Variants in SV2C observed in about 807,000 individuals in gnomAD.
SV2C encodes the protein solute carrier family 22 member B3.
A neutral mutation model predicts 79.7 loss-of-function variants in SV2C; 49 were observed. The observed-to-expected ratio is 0.61, with a 90% CI of 0.49 to 0.78. SV2C has a LOEUF of 0.78. Among genes scored for constraint, SV2C ranks in the 30% least tolerant of loss-of-function variants. The probability of loss-of-function intolerance (pLI) is 0.00; values close to 1 mark genes in which losing one functional copy is unlikely to be tolerated. For synonymous variants in SV2C, 334 were observed against 333.2 expected (o/e 1.00, Z -0.03); for missense variants, 833 against 912.9 (o/e 0.91, Z 1.13).
the SV2C span, among the ~76,000 whole-genome samples, chr5:75,938,990 G>T: frequency 6.6e-6 from 1 of 152,042 alleles, no homozygotes; most frequent in Non-Finnish European, 1.5e-5. Flanking sequence ...AGAGGCAGGG[G>T]AATGTCTTGT....
chr5:76,201,222 A>G (rs1744431796), intron 3 of SV2C, among the ~76,000 whole-genome samples: 1 of 152,228 alleles, frequency 6.6e-6, no homozygotes, highest in Non-Finnish European at 1.5e-5. Context: ...AGAAACAGAC[A>G]CTTTCCTCCC....
At chr5:76,319,263 C>CA in intron 12 of SV2C, among the ~76,000 whole-genome samples, 1 of 149,762 alleles carries the variant, frequency 6.7e-6, no homozygotes, top group Non-Finnish European at 1.5e-5. Flanking sequence ...AAAAAAAACA[C>CA]AAAAAATTGC....
the SV2C span, among the ~76,000 whole-genome samples, chr5:75,935,115 A>G: frequency 1.3e-5 from 2 of 152,176 alleles, no homozygotes; most frequent in African/African-American, 2.4e-5. Flanking sequence ...GAAATTTCAT[A>G]TTTGATTTTC....
At chr5:76,022,615 T>G in the SV2C span, among the ~76,000 whole-genome samples, 1,280 of 152,258 alleles carry the variant, frequency 8.4e-3, 7 homozygotes, top group Non-Finnish European at 0.015. Flanking sequence ...ACAGGGATAA[T>G]TTTTGGGAAC....
At chr5:75,951,223 G>C in the SV2C span, among the ~76,000 whole-genome samples, 3 of 152,138 alleles carry the variant, frequency 2.0e-5, no homozygotes, top group East Asian at 5.8e-4. Context: ...CTATTTTAGA[G>C]GAAGAAATTA....
intron 4 of SV2C, among the ~76,000 whole-genome samples, chr5:76,275,305 G>T (rs1168825551): frequency 6.6e-6 from 1 of 152,116 alleles, no homozygotes; most frequent in Non-Finnish European, 1.5e-5. Flanking sequence ...GGCTAACACG[G>T]TGAAACCCCA....
At chr5:76,264,976 C>A (rs1004634508) in intron 4 of SV2C, among the ~76,000 whole-genome samples, 30 of 152,334 alleles carry the variant, frequency 2.0e-4, no homozygotes, top group African/African-American at 3.1e-4. Flanking sequence ...GCTAGGAGAA[C>A]CTTCCTTGTC....
chr5:76,147,745 A>G (rs1387866605), intron 2 of SV2C, among the ~76,000 whole-genome samples: 1 of 152,100 alleles, frequency 6.6e-6, no homozygotes, highest in Non-Finnish European at 1.5e-5. Context: ...CATTTATGTA[A>G]CTTTTTTGAC....
intron 2 of SV2C, among the ~76,000 whole-genome samples, chr5:76,138,367 G>A (rs1032375350): frequency 3.3e-5 from 5 of 152,116 alleles, no homozygotes; most frequent in African/African-American, 1.2e-4. Context: ...TCCATTCTTG[G>A]TGAAAATACA....
At chr5:75,890,678 G>A in the SV2C span, among the ~76,000 whole-genome samples, 4 of 152,016 alleles carry the variant, frequency 2.6e-5, no homozygotes, top group African/African-American at 4.8e-5. Flanking sequence ...CTCCCATTGC[G>A]AGGCTCCTGT....
the SV2C span, among the ~76,000 whole-genome samples, chr5:76,059,491 T>C: frequency 6.6e-6 from 1 of 151,768 alleles, no homozygotes; most frequent in East Asian, 1.9e-4. Flanking sequence ...GAAATCCTTT[T>C]TTTTTTTCTT....
intron 12 of SV2C, among the ~76,000 whole-genome samples, chr5:76,347,335 A>T (rs553336364): frequency 1.3e-5 from 2 of 152,268 alleles, no homozygotes; most frequent in Admixed American, 1.3e-4. Flanking sequence ...CCACCAGCAA[A>T]CAACACTCTG....
downstream of SV2C, among the ~76,000 whole-genome samples, chr5:76,336,339 G>T (rs913517168): frequency 5.9e-5 from 9 of 152,078 alleles, no homozygotes; most frequent in Admixed American, 5.2e-4. Flanking sequence ...GGGGATGGCG[G>T]CTGGGAAGAG....
chr5:76,319,427 G>GA (rs1012300756), intron 12 of SV2C, among the ~76,000 whole-genome samples: 13 of 151,640 alleles, frequency 8.6e-5, no homozygotes, highest in East Asian at 1.9e-4. Flanking sequence ...CAAAAAAAAA[G>GA]AAAAAAAGAA....
At position 76,301,377 on chromosome 5, in the gene SV2C, T is replaced by C. The variant is rs769977023; in HGVS notation, c.1841-9T>C. On this transcript the variant is annotated splice_polypyrimidine_tract_variant and intron_variant, in intron 11 of 12. Transcript: ENST00000502798. ...AAACATTCCAGCCTTTTGTCTGCAT[T>C]GTTGGCAGGTGGCTCTATGGTGCTT... 9 of 1,613,612 alleles carry C rather than the reference T, an allele frequency of 5.6e-6. No homozygotes were observed. Among genetic ancestry groups the C allele is most frequent in the Admixed American group, 1.7e-5 (1 of 60,008 alleles).
chr5:76,350,813 A>T (rs1580094892), intron 12 of SV2C, among the ~76,000 whole-genome samples: 1 of 152,164 alleles, frequency 6.6e-6, no homozygotes, highest in Non-Finnish European at 1.5e-5. Context: ...CAAGAGATCC[A>T]GACCATCCTG....
chr5:75,870,040 C>T, the SV2C span, among the ~76,000 whole-genome samples: 1 of 152,010 alleles, frequency 6.6e-6, no homozygotes, highest in Non-Finnish European at 1.5e-5. Flanking sequence ...AGGACAGGTA[C>T]AAACAAGCCC....
intron 4 of SV2C, among the ~76,000 whole-genome samples, chr5:76,269,858 G>A (rs1284816715): frequency 6.6e-6 from 1 of 152,218 alleles, no homozygotes; most frequent in African/African-American, 2.4e-5. Flanking sequence ...CCCAGACTCA[G>A]TCACTCTGCA....
the SV2C span, among the ~76,000 whole-genome samples, chr5:76,034,563 G>A: frequency 0.011 from 1,683 of 152,184 alleles, 74 homozygotes; most frequent in Admixed American, 0.068. Context: ...ATTGATTTGC[G>A]TATATTGAAC....
Sources: allele counts gnomAD v4.1 joint callset (sites outside exome capture counted in the v4.1 genomes callset), GRCh38; gene constraint gnomAD v4.1.1; transcripts MANE v1.5; gene names NCBI Gene and HGNC (gene_info 2026-07-23, HGNC 2026-07-21).